CNTN3: variants seen among roughly 807,000 people sequenced by gnomAD.
CNTN3 encodes contactin 3, also known as contactin-3.
A neutral mutation model predicts 119.1 loss-of-function variants in CNTN3; 60 were observed. That is an observed-to-expected ratio of 0.50 (90% CI 0.41 to 0.62). The LOEUF (loss-of-function observed/expected upper bound fraction) is 0.62. Ranked by LOEUF, CNTN3 falls within the 20% of genes least tolerant of loss-of-function variation. CNTN3 has a pLI of 0.00. For synonymous variants in CNTN3, 450 were observed against 438.7 expected, an observed-to-expected ratio of 1.03 and a Z score of -0.32; for missense variants, 1,101 against 1,242.4, an observed-to-expected ratio of 0.89 and a Z score of 1.71.
intron 4 of CNTN3, among the ~76,000 whole-genome samples, chr3:74,438,281 C>A (rs1326834801): frequency 1.3e-5 from 2 of 152,136 alleles, no homozygotes; most frequent in Non-Finnish European, 2.9e-5. Flanking sequence ...GTGATTGAAT[C>A]TCTCTGTGAT....
intron 4 of CNTN3, among the ~76,000 whole-genome samples, chr3:74,482,482 T>C (rs574107292): frequency 2.6e-5 from 4 of 152,018 alleles, no homozygotes; most frequent in Non-Finnish European, 5.9e-5. Context: ...ATCAGATGTA[T>C]GGCCTTTTCA....
chr3:74,301,939 AG>A (rs1437793646), intron 14 of CNTN3, 134 bp from the exon 15 acceptor site: 35 of 879,980 alleles, frequency 4.0e-5, no homozygotes, highest in Non-Finnish European at 5.8e-5. Context: ...CTTAGGGAAA[AG>A]GCCATTTACC....
chr3:74,303,680 C>T (rs187802083), intron 13 of CNTN3, among the ~76,000 whole-genome samples: 1 of 152,276 alleles, frequency 6.6e-6, no homozygotes, highest in Admixed American at 6.5e-5. Context: ...GCTTGGCTGA[C>T]AGGCAAGACT....
intron 7 of CNTN3, among the ~76,000 whole-genome samples, chr3:74,369,577 G>A (rs891280631): frequency 2.0e-5 from 3 of 150,590 alleles, no homozygotes; most frequent in African/African-American, 7.3e-5. Context: ...CATTTTTCTT[G>A]ACATGATTTC....
intron 19 of CNTN3, among the ~76,000 whole-genome samples, chr3:74,288,480 T>C (rs2106789395): frequency 6.6e-6 from 1 of 152,094 alleles, no homozygotes; most frequent in Middle Eastern, 3.4e-3. Flanking sequence ...TCATTCTAAT[T>C]CAAATATCAG....
At chr3:74,391,655 C>T (rs1023881031) in intron 5 of CNTN3, among the ~76,000 whole-genome samples, 9 of 150,684 alleles carry the variant, frequency 6.0e-5, no homozygotes, top group African/African-American at 2.2e-4. Context: ...TAACCTCCAC[C>T]CCCGGGGTTC....
intron 1 of CNTN3, among the ~76,000 whole-genome samples, chr3:74,533,126 T>C (rs1559648389): frequency 6.6e-6 from 1 of 152,026 alleles, no homozygotes; most frequent in Non-Finnish European, 1.5e-5. Flanking sequence ...GCCTGGCCAG[T>C]GCCAGATGCT....
intron 11 of CNTN3, among the ~76,000 whole-genome samples, chr3:74,343,132 C>T (rs1238175489): frequency 6.6e-6 from 1 of 152,106 alleles, no homozygotes; most frequent in African/African-American, 2.4e-5. Context: ...AGTTGTATTA[C>T]AGATAAAGGT....
chr3:74,507,626 C>CT lies in CNTN3; in HGVS notation c.56-7842dup, dbSNP rs59540461. On this transcript the variant is annotated intron_variant, in intron 2 of 22. Transcript: ENST00000263665. Reference sequence around the variant, plus strand: ...TTCTTTTTCTTTTCTTTCTTTCTTTCTTTTTTTTTTTTTTTTTTTTTTTAA... The same window carrying CT: ...TTCTTTTTCTTTTCTTTCTTTCTTTCTTTTTTTTTTTTTTTTTTTTTTTTAA... Among the ~76,000 whole-genome samples, 892 of 103,618 alleles carry CT rather than the reference C, an allele frequency of 8.6e-3. 7 individuals carry two copies. The highest frequency in any genetic ancestry group is 0.026 in the African/African-American group (645 of 24,884). 68.0% of individuals were successfully genotyped at this position (103,618 alleles called of 152,430 possible). A position where few individuals can be genotyped will look rare whatever the true frequency, so the allele number is the denominator to read the frequency against.
At chr3:74,369,808 GAAGA>G (rs1704292269) in intron 7 of CNTN3, 77 bp downstream of exon 7, 2 of 721,970 alleles carry the variant, frequency 2.8e-6, no homozygotes, top group African/African-American at 3.8e-5. Context: ...AAATAAAAAA[GAAGA>G]GTCTCTCAAA....
intron 19 of CNTN3, 70 bp downstream of exon 19, chr3:74,295,051 G>T: frequency 9.5e-7 from 1 of 1,047,780 alleles, no homozygotes; most frequent in Middle Eastern, 2.1e-4. Flanking sequence ...TCATTGTTAA[G>T]GGTTTTAAAT....
intron 11 of CNTN3, among the ~76,000 whole-genome samples, chr3:74,340,776 T>C (rs1330643085): frequency 2.0e-5 from 3 of 152,164 alleles, no homozygotes; most frequent in Non-Finnish European, 4.4e-5. Flanking sequence ...CTATGATTAG[T>C]AAGCCTTAAA....
At chr3:74,313,020 A>C (rs1008313525) in intron 13 of CNTN3, among the ~76,000 whole-genome samples, 8 of 152,130 alleles carry the variant, frequency 5.3e-5, no homozygotes, top group Admixed American at 3.9e-4. Flanking sequence ...TTAGAGATTG[A>C]AAACACTTTA....
In CNTN3 at chr3:74,301,493, G is replaced by A; in HGVS notation, c.2000C>T (p.Pro667Leu). ...THTATVVELN[P>L]WVEYEFRVVA... ...AACCCGAAATTCATATTCCACCCATGGGTTTAACTCAACTACAGTGGCTGT... is the reference window on the plus strand; with the variant it reads ...AACCCGAAATTCATATTCCACCCATAGGTTTAACTCAACTACAGTGGCTGT... Residue 667 changes from proline (P) to leucine (L), a missense_variant, in exon 16 of 23, where the codon CCA (proline) becomes CTA (leucine). Coordinates refer to ENST00000263665, the MANE Select transcript of CNTN3 (RefSeq NM_020872.3). 1 of 1,614,054 alleles carries A rather than the reference G, an allele frequency of 6.2e-7. No homozygotes were observed. The highest frequency in any genetic ancestry group is 8.5e-7 in the Non-Finnish European group (1 of 1,179,982).
At chr3:74,494,637 C>T (rs13322971) in intron 3 of CNTN3, among the ~76,000 whole-genome samples, 4,467 of 152,042 alleles carry the variant, frequency 0.029, 197 homozygotes, top group African/African-American at 0.1. Flanking sequence ...AACTTCTGAC[C>T]CTGTGATCCT....
intron 4 of CNTN3, among the ~76,000 whole-genome samples, chr3:74,449,224 C>T (rs1272004837): frequency 6.6e-6 from 1 of 151,606 alleles, no homozygotes. Context: ...CATTTCATTG[C>T]CAACTGACAT....
intron 4 of CNTN3, among the ~76,000 whole-genome samples, chr3:74,450,981 C>T (rs1037644257): frequency 1.4e-4 from 22 of 152,170 alleles, no homozygotes; most frequent in African/African-American, 5.1e-4. Context: ...CATACATGTG[C>T]ATGTGTCTTT....
chr3:74,426,822 A>T (rs1319714459), intron 4 of CNTN3, among the ~76,000 whole-genome samples: 1 of 152,208 alleles, frequency 6.6e-6, no homozygotes, highest in Non-Finnish European at 1.5e-5. Context: ...CCAATGGCTA[A>T]ATGAGGCAGT....
chr3:74,435,488 T>C (rs1701851273), intron 4 of CNTN3, among the ~76,000 whole-genome samples: 1 of 152,190 alleles, frequency 6.6e-6, no homozygotes, highest in Non-Finnish European at 1.5e-5. Context: ...GGAACTATTT[T>C]GTAATGCAGA....
Sources: allele counts gnomAD v4.1 joint callset (sites outside exome capture counted in the v4.1 genomes callset), GRCh38; gene constraint gnomAD v4.1.1; transcripts MANE v1.5; gene names NCBI Gene and HGNC (gene_info 2026-07-23, HGNC 2026-07-21).